WWOX: variants seen among roughly 807,000 people sequenced by gnomAD.
WWOX encodes WW domain-containing oxidoreductase.
In WWOX, 69 loss-of-function variants were observed where a neutral mutation model predicts 46.2. The observed-to-expected ratio is 1.49, with a 90% CI of 1.23 to 1.82. The LOEUF is 1.82. WWOX is among the 40% of genes most tolerant of loss of function. The pLI is 0.00. For missense variants in WWOX, 919 were observed against 542.6 expected, an observed-to-expected ratio of 1.69 and a Z score of -6.89; for synonymous variants, 359 against 202.6, an observed-to-expected ratio of 1.77 and a Z score of -6.56.
intron 8 of WWOX, among the ~76,000 whole-genome samples, chr16:78,838,506 T>C (rs1055126777): frequency 2.0e-5 from 3 of 152,178 alleles, no homozygotes; most frequent in African/African-American, 7.2e-5. Flanking sequence ...ATTGGTAGGA[T>C]TCCATTTACA....
intron 5 of WWOX, among the ~76,000 whole-genome samples, chr16:78,282,385 A>C (rs1358958594): frequency 1.3e-5 from 2 of 152,170 alleles, no homozygotes; most frequent in African/African-American, 4.8e-5. Context: ...AGCCTGTTGG[A>C]TGGTCTCTTA....
chr16:78,677,597 T>A, intron 8 of WWOX, among the ~76,000 whole-genome samples: 1 of 152,204 alleles, frequency 6.6e-6, no homozygotes, highest in Admixed American at 6.5e-5. Context: ...CCATGTTGTT[T>A]ACAGTGTGGG....
chr16:78,392,644 G>A (rs1010716968), intron 6 of WWOX, among the ~76,000 whole-genome samples: 5 of 152,118 alleles, frequency 3.3e-5, no homozygotes, highest in African/African-American at 4.8e-5. Flanking sequence ...TCTCTGTGGT[G>A]TCTTTTAACA....
chr16:78,592,841 T>C (rs1030907674), intron 8 of WWOX, among the ~76,000 whole-genome samples: 2 of 152,194 alleles, frequency 1.3e-5, no homozygotes, highest in African/African-American at 4.8e-5. Context: ...ATTGCTTCTA[T>C]CTTCATGATA....
chr16:78,897,335 C>T (rs1405848492), intron 8 of WWOX: 1 of 150,466 alleles, frequency 6.6e-6, no homozygotes, highest in Admixed American at 6.7e-5. Context: ...CCAATAAATC[C>T]TTTTATTCCC....
At chr16:79,151,357 A>C (rs1247567268) in intron 8 of WWOX, among the ~76,000 whole-genome samples, 3 of 152,128 alleles carry the variant, frequency 2.0e-5, no homozygotes, top group African/African-American at 7.2e-5. Flanking sequence ...TGTTGTGTGG[A>C]TTCCCCCAAA....
intron 8 of WWOX, among the ~76,000 whole-genome samples, chr16:78,823,909 A>T (rs112809913): frequency 8.6e-5 from 13 of 151,956 alleles, no homozygotes; most frequent in Admixed American, 2.6e-4. Context: ...CCAAGTAGCT[A>T]GGACTACAGG....
rs562924252 is a variant in WWOX at position 78,508,941 on chromosome 16, T to C, written c.1056+76189T>C. Among the ~76,000 whole-genome samples, 5 of 152,368 alleles carry C rather than the reference T, an allele frequency of 3.3e-5. No homozygotes were observed. The East Asian group carries it at 9.6e-4, about 29-fold the overall frequency. On this transcript the variant is annotated intron_variant, in intron 8 of 8. Transcript: ENST00000566780. ...ATCTGCATCATGTATTGGCTGGCTG[T>C]TCAAAAGTATCCTCTCTAGGCAAAT... is the stretch of plus-strand genomic sequence containing the variant.
At chr16:78,879,155 A>C (rs560624437) in intron 8 of WWOX, among the ~76,000 whole-genome samples, 4 of 152,148 alleles carry the variant, frequency 2.6e-5, no homozygotes, top group African/African-American at 9.7e-5. Context: ...CAGATAAGAA[A>C]ATCGAAGTTG....
At chr16:78,700,957 T>G (rs2048203372) in intron 8 of WWOX, among the ~76,000 whole-genome samples, 1 of 152,148 alleles carries the variant, frequency 6.6e-6, no homozygotes, top group East Asian at 1.9e-4. Flanking sequence ...GGGCTCTCAG[T>G]GGGTGTTGTA....
intron 5 of WWOX, among the ~76,000 whole-genome samples, chr16:78,367,518 T>G (rs1301776232): frequency 6.6e-6 from 1 of 152,146 alleles, no homozygotes; most frequent in Admixed American, 6.5e-5. Flanking sequence ...GCCAAAAGAT[T>G]GGACACCCTG....
intron 8 of WWOX, among the ~76,000 whole-genome samples, chr16:78,520,720 G>A (rs1567619449): frequency 6.6e-6 from 1 of 151,938 alleles, no homozygotes; most frequent in Non-Finnish European, 1.5e-5. Context: ...CCCTGCATTG[G>A]CCACCCCTGT....
In WWOX at chr16:78,871,420, G is replaced by C. The variant is rs541416697; in HGVS notation, c.1057-340188G>C. Among the ~76,000 whole-genome samples, 87 of 152,260 alleles carry C rather than the reference G, an allele frequency of 5.7e-4. 1 individual carries two copies. The Middle Eastern group carries it at 0.014, about 24-fold the overall frequency. On this transcript the variant is annotated intron_variant, in intron 8 of 8. Transcript: ENST00000566780. ...CACCAGGGTGATAACTGAATGGTTG[G>C]CACAGGCTTCGATGAAGCTTGTGTC...
Position 78,808,993 on chromosome 16 carries a change from G to A in WWOX, c.1056+376241G>A, listed in dbSNP as rs115504328. 3.1e-3 allele frequency among the ~76,000 whole-genome samples: 468 copies of A among 152,206 alleles called. 3 individuals carry two copies. The highest frequency in any genetic ancestry group is 0.011 in the African/African-American group (442 of 41,546). On this transcript the variant is annotated intron_variant, in intron 8 of 8. Transcript: ENST00000566780. ...CTTAGGAGAATTCTCAGGACCTGATGAATTATTATTCGGAATTTTATGGCC... is the reference window on the plus strand; with the variant it reads ...CTTAGGAGAATTCTCAGGACCTGATAAATTATTATTCGGAATTTTATGGCC...
chr16:78,181,235 C>T (rs1263859332), intron 5 of WWOX, among the ~76,000 whole-genome samples: 1 of 151,926 alleles, frequency 6.6e-6, no homozygotes, highest in South Asian at 2.1e-4. Context: ...ACCTGTCTAG[C>T]GGTGTTTTTA....
chr16:78,550,928 T>C (rs140496859), intron 8 of WWOX: 16 of 152,170 alleles, frequency 1.1e-4, no homozygotes, highest in African/African-American at 3.9e-4. Context: ...CATTAATTGA[T>C]AAATCCACTG....
intron 8 of WWOX, among the ~76,000 whole-genome samples, chr16:78,645,054 T>C (rs187594507): frequency 1.3e-5 from 2 of 152,332 alleles, no homozygotes; most frequent in South Asian, 2.1e-4. Flanking sequence ...TGGGTTGCAT[T>C]GCATAGTTAA....
intron 8 of WWOX, among the ~76,000 whole-genome samples, chr16:78,771,934 G>C (rs1447463575): frequency 6.6e-6 from 1 of 151,756 alleles, no homozygotes; most frequent in African/African-American, 2.4e-5. Context: ...CCATTTTTTT[G>C]AAAAGAATAG....
At chr16:79,144,389 G>A (rs944983818) in intron 8 of WWOX, among the ~76,000 whole-genome samples, 1 of 152,198 alleles carries the variant, frequency 6.6e-6, no homozygotes, top group Non-Finnish European at 1.5e-5. Context: ...CGAATGCCCA[G>A]CACTTCTCAG....
Sources: gnomAD v4.1 joint callset for allele counts (sites outside exome capture counted in the v4.1 genomes callset) on GRCh38, gnomAD v4.1.1 for gene constraint, MANE v1.5 for transcripts, NCBI Gene and HGNC (gene_info 2026-07-23, HGNC 2026-07-21) for gene names.